Variants in TSC22D4 observed in about 807,000 individuals in gnomAD.
The protein encoded by TSC22D4 is TSC22 domain family member 4.
In TSC22D4, 5 loss-of-function variants were observed where a neutral mutation model predicts 24.9. The ratio of observed to expected loss-of-function variants is 0.20; its 90% confidence interval spans 0.10 to 0.42. The LOEUF (loss-of-function observed/expected upper bound fraction) is 0.42. Among genes scored for constraint, TSC22D4 ranks in the 10% least tolerant of loss-of-function variants. TSC22D4 has a pLI of 1.00. For missense variants in TSC22D4, 469 were observed against 547.9 expected, an observed-to-expected ratio of 0.86 and a Z score of 1.44; for synonymous variants, 245 against 243.2, an observed-to-expected ratio of 1.01 and a Z score of -0.07.
chr7:100,476,775 G>C (rs1460500450), intron 2 of TSC22D4, among the ~76,000 whole-genome samples: 1 of 152,206 alleles, frequency 6.6e-6, no homozygotes, highest in East Asian at 1.9e-4. Context: ...CAAAGCTGGA[G>C]GCAGGACTGA....
chr7:100,467,207 GT>G, intron 4 of TSC22D4, 39 bp from the exon 5 acceptor site: 1 of 1,602,910 alleles, frequency 6.2e-7, no homozygotes, highest in Non-Finnish European at 8.5e-7. Flanking sequence ...AACGGGGTGG[GT>G]GCCTCATCCC....
Position 100,474,211 on chromosome 7 carries a change from T to C in TSC22D4, c.929+63A>G. The C allele has an allele frequency of 6.3e-7, 1 of 1,592,326 alleles. No homozygotes were observed. Among genetic ancestry groups the C allele is most frequent in the Non-Finnish European group, 8.6e-7 (1 of 1,166,002 alleles). ...TGCCTACCAGGCACTTTCTTACAGCTACCCCGGGTGCTGGGCGGGGAACCT... is the reference window on the plus strand; with the variant it reads ...TGCCTACCAGGCACTTTCTTACAGCCACCCCGGGTGCTGGGCGGGGAACCT... On this transcript the variant is annotated intron_variant, in intron 3 of 4. Coordinates refer to ENST00000300181, the MANE Select transcript of TSC22D4 (RefSeq NM_030935.5). This position sits in a 1 kb window ranked among gnomAD's most constrained non-coding sequence, Gnocchi z 4.3.
Position 100,478,069 on chromosome 7 carries a change from TG to T in TSC22D4, c.-32del, listed in dbSNP as rs771730085. The T allele has an allele frequency of 1.2e-5, 16 of 1,386,694 alleles. No homozygotes were observed. The highest frequency in any genetic ancestry group is 2.8e-4 in the Middle Eastern group (1 of 3,512). 85.9% of individuals were successfully genotyped at this position (1,386,694 alleles called of 1,614,324 possible). A position where few individuals can be genotyped will look rare whatever the true frequency, so the allele number is the denominator to read the frequency against. On this transcript the variant is annotated 5_prime_UTR_variant, in exon 2 of 5. Coordinates refer to ENST00000300181, the MANE Select transcript of TSC22D4 (RefSeq NM_030935.5). Reference sequence around the variant, plus strand: ...CTGGGGCTCAGGGCTGGGCCAAGGTTGGGGGTGGGTTGGGGCTCCTTGAAGG... The same window carrying T: ...CTGGGGCTCAGGGCTGGGCCAAGGTTGGGGTGGGTTGGGGCTCCTTGAAGG...
At position 100,477,774 on chromosome 7, in the gene TSC22D4, G is replaced by A. The variant is rs776854978; in HGVS notation, c.265C>T (p.Arg89Cys). 3 of 1,606,250 alleles carry A rather than the reference G, an allele frequency of 1.9e-6. No individual in the cohort carries two copies. Among genetic ancestry groups the A allele is most frequent in the Non-Finnish European group, 2.5e-6 (3 of 1,179,820 alleles). Reference sequence around the variant, plus strand: ...TCATAAACATCCACACACGTCCAGCGACCGCGGCGATAAGGCTCTCCCAGG... The same window carrying A: ...TCATAAACATCCACACACGTCCAGCAACCGCGGCGATAAGGCTCTCCCAGG... The part of the protein sequence containing the change: ...HGLGEPYRRG[R>C]WTCVDVYERD... Residue 89 changes from arginine (R) to cysteine (C), a missense_variant, in exon 2 of 5, where the codon CGC (arginine) becomes TGC (cysteine). Arg to Cys is a radical substitution (Grantham distance 180, BLOSUM62 -3). Transcript: ENST00000300181. This position sits in a 1 kb window ranked among gnomAD's most constrained non-coding sequence, Gnocchi z 7.8.
In TSC22D4 at chr7:100,478,198, G is replaced by GTGCC. The variant is rs1799547262; in HGVS notation, c.-164_-161dup. ...CAGGAGGGCCTGGCGGGAACCGGGG[G>GTGCC]TGCCTGCTGGGTGAGGGGAGAAGAG... On this transcript the variant is annotated 5_prime_UTR_variant, in exon 2 of 5. Coordinates refer to ENST00000300181, the MANE Select transcript of TSC22D4 (RefSeq NM_030935.5). 1.6e-6 allele frequency: 1 copy of GTGCC among 610,704 alleles called. No individual in the cohort carries two copies. Among genetic ancestry groups the GTGCC allele is most frequent in the African/African-American group, 1.9e-5 (1 of 53,500 alleles). 37.8% of individuals were successfully genotyped at this position (610,704 alleles called of 1,614,324 possible).
Position 100,474,195 on chromosome 7 carries a change from G to A in TSC22D4, c.929+79C>T. 1 of 1,566,464 alleles carries A rather than the reference G, an allele frequency of 6.4e-7. No individual in the cohort carries two copies. Among genetic ancestry groups the A allele is most frequent in the South Asian group, 1.2e-5 (1 of 86,928 alleles). The stretch of plus-strand genomic sequence containing the variant: ...CAACCTGGGGGAAGGATGCCTACCA[G>A]GCACTTTCTTACAGCTACCCCGGGT... On this transcript the variant is annotated intron_variant, in intron 3 of 4. Coordinates refer to ENST00000300181, the MANE Select transcript of TSC22D4 (RefSeq NM_030935.5). The surrounding 1 kb of genome is among the most constrained non-coding windows in gnomAD (Gnocchi z 4.3).
rs567744523 is a variant in TSC22D4 at position 100,474,780 on chromosome 7, G to A, written c.763-340C>T. On this transcript the variant is annotated intron_variant, in intron 2 of 4. Transcript: ENST00000300181. The surrounding 1 kb of genome is among the most constrained non-coding windows in gnomAD (Gnocchi z 4.3). The stretch of plus-strand genomic sequence containing the variant: ...GCCGGGACCCCTAATCAGAGGCTAC[G>A]CAGCGTGTCTGCCTTCTTTTATGTT... 3.9e-5 allele frequency among the ~76,000 whole-genome samples: 6 copies of A among 152,178 alleles called. No homozygotes were observed. Among genetic ancestry groups the A allele is most frequent in the South Asian group, 2.1e-4 (1 of 4,816 alleles).
intron 3 of TSC22D4, among the ~76,000 whole-genome samples, chr7:100,472,175 G>A (rs1799404252): frequency 6.6e-6 from 1 of 152,132 alleles, no homozygotes; most frequent in Admixed American, 6.6e-5. Context: ...CCTCTTAAGA[G>A]AGAGGTCCCA....
At position 100,477,489 on chromosome 7, in the gene TSC22D4, G is replaced by C; in HGVS notation, c.550C>G (p.Pro184Ala). 1 of 1,552,852 alleles carries C rather than the reference G, an allele frequency of 6.4e-7. No individual in the cohort carries two copies. The highest frequency in any genetic ancestry group is 1.4e-5 in the African/African-American group (1 of 73,126). ...TGGGGTGAGGAGGCCGACAGTGGGG[G>C]TTTCTCTGCCTTGGCTTTGCTGGGC... is the stretch of plus-strand genomic sequence containing the variant. ...VVPSKAKAEK[P>A]PLSASSPQQR... The change falls in exon 2 of 5, where the codon CCC becomes GCC. Residue 184 changes from proline to alanine, a missense_variant. Transcript: ENST00000300181. This position sits in a 1 kb window ranked among gnomAD's most constrained non-coding sequence, Gnocchi z 7.8.
At chr7:100,467,912 G>A (rs1363877572) in intron 3 of TSC22D4, 9 of 572,582 alleles carry the variant, frequency 1.6e-5, no homozygotes, top group Non-Finnish European at 3.1e-5. Flanking sequence ...GACGACACCA[G>A]GGACTTGACA....
chr7:100,467,254 T>C, intron 4 of TSC22D4, 86 bp from the exon 5 acceptor site: 1 of 1,365,938 alleles, frequency 7.3e-7, no homozygotes, highest in Non-Finnish European at 1.0e-6. Context: ...TGGGAGACAG[T>C]CCCCAGTGTC....
At position 100,477,422 on chromosome 7, in the gene TSC22D4, G is replaced by A. The variant is rs2131054435; in HGVS notation, c.617C>T (p.Thr206Ile). The change falls in exon 2 of 5, where the codon ACA becomes ATA. Residue 206 changes from threonine to isoleucine, a missense_variant. Coordinates refer to ENST00000300181, the MANE Select transcript of TSC22D4 (RefSeq NM_030935.5). The surrounding 1 kb of genome is among the most constrained non-coding windows in gnomAD (Gnocchi z 7.8). ...GGGCAGGGGCGTGGCAGCCCGGGATGTGCCCGCACTCTCACCGGTCTCAGG... is the reference window on the plus strand; with the variant it reads ...GGGCAGGGGCGTGGCAGCCCGGGATATGCCCGCACTCTCACCGGTCTCAGG... ...PEPETGESAGTSRAATPLPSL... is the reference protein window; with the variant it reads ...PEPETGESAGISRAATPLPSL... 6.3e-7 allele frequency: 1 copy of A among 1,589,748 alleles called. No individual in the cohort carries two copies. Among genetic ancestry groups the A allele is most frequent in the Non-Finnish European group, 8.6e-7 (1 of 1,167,902 alleles).
chr7:100,477,132 T>G lies in TSC22D4; in HGVS notation c.762+145A>C. The G allele has an allele frequency of 1.5e-6, 1 of 646,648 alleles. No individual in the cohort carries two copies. The highest frequency in any genetic ancestry group is 3.1e-5 in the Admixed American group (1 of 31,828). The allele number at this position is 646,648 out of a possible 1,614,324, so 40.1% of individuals were successfully genotyped here. ...GAAGTAGGAGGAAGGGGCTTCAGAG[T>G]GACCTGGCAGGCACAGAGAAGAGGG... On this transcript the variant is annotated intron_variant, in intron 2 of 4. Coordinates refer to ENST00000300181, the MANE Select transcript of TSC22D4 (RefSeq NM_030935.5). The surrounding 1 kb of genome is among the most constrained non-coding windows in gnomAD (Gnocchi z 7.8).
rs749510227 is a variant in TSC22D4, at chr7:100,478,089, T to C, written c.-51A>G. The C allele has an allele frequency of 1.1e-5, 16 of 1,497,910 alleles. No homozygotes were observed. Among genetic ancestry groups the C allele is most frequent in the Admixed American group, 4.3e-5 (2 of 46,724 alleles). The allele number at this position is 1,497,910 out of a possible 1,614,324, so 92.8% of individuals were successfully genotyped here. ...AAGGTTGGGGGTGGGTTGGGGCTCC[T>C]TGAAGGGGCTCAGGCACCCCTGGAA... On this transcript the variant is annotated 5_prime_UTR_variant, in exon 2 of 5. Coordinates refer to ENST00000300181, the MANE Select transcript of TSC22D4 (RefSeq NM_030935.5).
Position 100,474,509 on chromosome 7 carries a change from G to C in TSC22D4, c.763-69C>G. Reference sequence around the variant, plus strand: ...AAAGGAACCAGCTGCCTTAAAACTTGCCTATTAGCCTTCCTCCCTCTCCAC... The same window carrying C: ...AAAGGAACCAGCTGCCTTAAAACTTCCCTATTAGCCTTCCTCCCTCTCCAC... On this transcript the variant is annotated intron_variant, in intron 2 of 4. Coordinates refer to ENST00000300181, the MANE Select transcript of TSC22D4 (RefSeq NM_030935.5). This position sits in a 1 kb window ranked among gnomAD's most constrained non-coding sequence, Gnocchi z 4.3. The C allele has an allele frequency of 6.4e-7, 1 of 1,565,896 alleles. No individual in the cohort carries two copies. The highest frequency in any genetic ancestry group is 2.3e-5 in the East Asian group (1 of 43,638).
At chr7:100,476,500 G>A (rs941881485) in intron 2 of TSC22D4, among the ~76,000 whole-genome samples, 6 of 152,164 alleles carry the variant, frequency 3.9e-5, no homozygotes, top group African/African-American at 1.4e-4. Context: ...CCCCCACCAT[G>A]GGGACCCAGG....
At chr7:100,473,182 AAAGG>A (rs1362825997) in intron 3 of TSC22D4, among the ~76,000 whole-genome samples, 4 of 152,098 alleles carry the variant, frequency 2.6e-5, no homozygotes, top group Non-Finnish European at 5.9e-5. Context: ...ACTGTCCCCT[AAAGG>A]GAGAACCCCA....
In TSC22D4 at chr7:100,477,965, G is replaced by A; in HGVS notation, c.74C>T (p.Pro25Leu). The A allele has an allele frequency of 1.3e-6, 2 of 1,571,162 alleles. No individual in the cohort carries two copies. Among genetic ancestry groups the A allele is most frequent in the Non-Finnish European group, 8.6e-7 (1 of 1,159,550 alleles). Residue 25 changes from proline (P) to leucine (L), a missense_variant, in exon 2 of 5, where the codon CCA becomes CTA. Pro to Leu is a moderately conservative substitution (Grantham distance 98, BLOSUM62 -3). Coordinates refer to ENST00000300181, the MANE Select transcript of TSC22D4 (RefSeq NM_030935.5). The surrounding 1 kb of genome is among the most constrained non-coding windows in gnomAD (Gnocchi z 7.8). ...VTTDYEGPGS[P>L]GASDPPTPQP... ...TGGGGTAGGGGGATCCGAAGCCCCTGGGCTCCCAGGGCCCTCATAGTCCGT... is the reference window on the plus strand; with the variant it reads ...TGGGGTAGGGGGATCCGAAGCCCCTAGGCTCCCAGGGCCCTCATAGTCCGT...
intron 2 of TSC22D4, among the ~76,000 whole-genome samples, chr7:100,475,341 C>G (rs1422916506): frequency 1.3e-5 from 2 of 152,178 alleles, no homozygotes; most frequent in African/African-American, 4.8e-5. Flanking sequence ...CCCGCCTCGG[C>G]CTCCCAAAAT....
Sources: gnomAD v4.1 joint callset for allele counts (sites outside exome capture counted in the v4.1 genomes callset) on GRCh38, gnomAD v4.1.1 for gene constraint, Gnocchi (gnomAD v3.1) non-coding constraint, MANE v1.5 for transcripts, NCBI Gene and HGNC (gene_info 2026-07-23, HGNC 2026-07-21) for gene names.